The following STEAP3 variants were observed in gnomAD, a reference collection of about 807,000 sequenced individuals.
STEAP3 encodes the protein STEAP3 metalloreductase.
STEAP3 carries 35 observed loss-of-function variants against 34.9 expected under a neutral mutation model. The observed-to-expected ratio is 1.00, with a 90% CI of 0.76 to 1.33. The LOEUF is 1.33. Ranked by LOEUF, STEAP3 falls within the 40% of genes most tolerant of loss-of-function variation. STEAP3 has a pLI of 0.00. For synonymous variants in STEAP3, 281 were observed against 301.6 expected (o/e 0.93, Z 0.71); for missense variants, 652 against 667.6 (o/e 0.98, Z 0.26).
intron 2 of STEAP3, among the ~76,000 whole-genome samples, chr2:119,238,457 C>A (rs568222359): frequency 3.9e-5 from 6 of 152,150 alleles, no homozygotes; most frequent in Non-Finnish European, 8.8e-5. Flanking sequence ...CTTTTCCAGT[C>A]TTTTGCCCAC....
chr2:119,255,200 A>G (rs1404088928), intron 5 of STEAP3, among the ~76,000 whole-genome samples: 1 of 152,136 alleles, frequency 6.6e-6, no homozygotes, highest in African/African-American at 2.4e-5. Flanking sequence ...TGGTCTAGGT[A>G]GGAGTCATCA....
At chr2:119,239,583 T>C (rs838090) in intron 2 of STEAP3, among the ~76,000 whole-genome samples, 51,699 of 152,150 alleles carry the variant, frequency 0.34, 9,941 homozygotes, top group Non-Finnish European at 0.45. Context: ...GATGGGTCCT[T>C]GCACTCTGGG....
chr2:119,224,668 A>G (rs3795926), intron 1 of STEAP3, among the ~76,000 whole-genome samples: 77,014 of 152,114 alleles, frequency 0.51, 19,836 homozygotes, highest in African/African-American at 0.59. Context: ...CAGAGGGCAC[A>G]GAGAGGCCTC....
intron 1 of STEAP3, among the ~76,000 whole-genome samples, chr2:119,228,911 T>G (rs975368956): frequency 1.3e-5 from 2 of 152,112 alleles, no homozygotes; most frequent in Non-Finnish European, 2.9e-5. Flanking sequence ...GAACGCGTAC[T>G]CTCCAGCTCC....
At position 119,257,718 on chromosome 2, in the gene STEAP3, G is replaced by T. The variant is rs1573579421; in HGVS notation, c.1215+2870G>T. 16 of 1,390,800 alleles carry T rather than the reference G, an allele frequency of 1.2e-5. No individual in the cohort carries two copies. In the South Asian group the frequency reaches 2.8e-4, roughly 25 times the overall value. 86.2% of individuals were successfully genotyped at this position (1,390,800 alleles called of 1,614,324 possible). A position where few individuals can be genotyped will look rare whatever the true frequency, so the allele number is the denominator to read the frequency against. On this transcript the variant is annotated intron_variant, in intron 5 of 5. Coordinates refer to ENST00000393110, the MANE Select transcript of STEAP3 (RefSeq NM_182915.3). ...GCTGCAACCTTCTCCTTTAAAGTTA[G>T]CGTGGCTAGTGAGAAGTTACCTGAG...
At chr2:119,251,042 G>A (rs1677610879) in intron 4 of STEAP3, among the ~76,000 whole-genome samples, 1 of 152,188 alleles carries the variant, frequency 6.6e-6, no homozygotes, top group African/African-American at 2.4e-5. Context: ...CAGATACGGG[G>A]AGGTGCCCAA....
intron 5 of STEAP3, among the ~76,000 whole-genome samples, chr2:119,256,203 C>T (rs547400646): frequency 1.3e-5 from 2 of 152,338 alleles, no homozygotes; most frequent in South Asian, 2.1e-4. Context: ...ACCAGGGATG[C>T]TTCACATCCA....
chr2:119,231,139 T>C lies in STEAP3; in HGVS notation c.22+105T>C, dbSNP rs1676921273. 3 of 1,499,604 alleles carry C rather than the reference T, an allele frequency of 2.0e-6. No individual in the cohort carries two copies. In the South Asian group the frequency reaches 3.5e-5, roughly 17 times the overall value. The allele number at this position is 1,499,604 out of a possible 1,614,324, so 92.9% of individuals were successfully genotyped here. A position where few individuals can be genotyped will look rare whatever the true frequency, so the allele number is the denominator to read the frequency against. On this transcript the variant is annotated intron_variant, in intron 2 of 5. Transcript: ENST00000393110. ...CCCTGCCCTGCTGGAGGGTGCCCCTTGAATCTCCAGGAGGTCCGAGGAACT... is the reference window on the plus strand; with the variant it reads ...CCCTGCCCTGCTGGAGGGTGCCCCTCGAATCTCCAGGAGGTCCGAGGAACT...
chr2:119,241,369 A>C (rs1169070631), intron 2 of STEAP3, among the ~76,000 whole-genome samples: 1 of 152,154 alleles, frequency 6.6e-6, no homozygotes, highest in African/African-American at 2.4e-5. Flanking sequence ...CCGTCCCTAC[A>C]TCAGAAAGGT....
intron 2 of STEAP3, among the ~76,000 whole-genome samples, chr2:119,237,822 G>A (rs1558745339): frequency 6.7e-6 from 1 of 149,850 alleles, no homozygotes; most frequent in Non-Finnish European, 1.5e-5. Context: ...TACCCGTGAG[G>A]ATCACTCCCC....
chr2:119,253,873 T>G (rs1355121033), intron 4 of STEAP3, among the ~76,000 whole-genome samples: 1 of 152,132 alleles, frequency 6.6e-6, no homozygotes, highest in East Asian at 1.9e-4. Context: ...GTATCTTTAT[T>G]TTCTGTAGCC....
intron 4 of STEAP3, among the ~76,000 whole-genome samples, chr2:119,253,664 C>T (rs75614908): frequency 0.053 from 8,111 of 152,228 alleles, 292 homozygotes; most frequent in Middle Eastern, 0.11. Context: ...CTCTGCTACC[C>T]GGTCTAGTTG....
intron 5 of STEAP3, among the ~76,000 whole-genome samples, chr2:119,256,086 C>A (rs1355314694): frequency 1.3e-5 from 2 of 152,200 alleles, no homozygotes; most frequent in East Asian, 3.8e-4. Context: ...AACAGCCATC[C>A]TATCCACCCC....
intron 2 of STEAP3, among the ~76,000 whole-genome samples, chr2:119,231,433 T>C (rs1186576898): frequency 6.6e-6 from 1 of 151,330 alleles, no homozygotes; most frequent in African/African-American, 2.4e-5. Context: ...GCAGGCCCAT[T>C]GGGAATTGTA....
chr2:119,252,012 G>T (rs971534969), intron 4 of STEAP3, among the ~76,000 whole-genome samples: 4 of 152,144 alleles, frequency 2.6e-5, no homozygotes, highest in Non-Finnish European at 4.4e-5. Context: ...TGGGGTCCAT[G>T]GTTCCTAACA....
Position 119,247,818 on chromosome 2 carries a change from C to T in STEAP3, c.662C>T (p.Ala221Val). Residue 221 changes from alanine (A) to valine (V), a missense_variant, in exon 4 of 6, where the codon GCC (alanine) becomes GTC (valine). Coordinates refer to ENST00000393110, the MANE Select transcript of STEAP3 (RefSeq NM_182915.3). Reference sequence around the variant, plus strand: ...GCCATGCCCCTGCGCCTCCTCCCGGCCTGGAAGGTGCCCACCCTGCTGGCC... The same window carrying T: ...GCCATGCCCCTGCGCCTCCTCCCGGTCTGGAAGGTGCCCACCCTGCTGGCC... ...VEAMPLRLLP[A>V]WKVPTLLALG... The T allele has an allele frequency of 6.2e-7, 1 of 1,612,706 alleles. No homozygotes were observed. The highest frequency in any genetic ancestry group is 8.5e-7 in the Non-Finnish European group (1 of 1,179,992).
At chr2:119,231,342 C>CGT (rs6146901) in intron 2 of STEAP3, among the ~76,000 whole-genome samples, 4,741 of 143,520 alleles carry the variant, frequency 0.033, 100 homozygotes, top group African/African-American at 0.039. Context: ...CACACAGTTG[C>CGT]GTGTGTGTGT....
chr2:119,254,502 T>G (rs1384742834), intron 4 of STEAP3, among the ~76,000 whole-genome samples, 182 bp from the exon 5 acceptor site: 1 of 152,170 alleles, frequency 6.6e-6, no homozygotes, highest in East Asian at 1.9e-4. Context: ...TGATCTCTAC[T>G]TTGTGGGGTG....
intron 4 of STEAP3, chr2:119,249,165 C>G (rs376160244): frequency 1.3e-5 from 2 of 152,076 alleles, no homozygotes; most frequent in Non-Finnish European, 2.9e-5. Flanking sequence ...TGTTGTTGTT[C>G]TTTGTTTGTT....
Sources: gnomAD v4.1 joint callset for allele counts (sites outside exome capture counted in the v4.1 genomes callset) on GRCh38, gnomAD v4.1.1 for gene constraint, MANE v1.5 for transcripts, NCBI Gene and HGNC (gene_info 2026-07-23, HGNC 2026-07-21) for gene names.